The following CAMK1D variants were observed in gnomAD, a reference collection of about 807,000 sequenced individuals.
CAMK1D encodes the protein calcium/calmodulin-dependent protein kinase type 1D.
In CAMK1D, 9 loss-of-function variants were observed where a neutral mutation model predicts 47.7. The observed-to-expected ratio is 0.19, with a 90% CI of 0.11 to 0.33. The LOEUF is 0.33. Among genes scored for constraint, CAMK1D ranks in the 10% least tolerant of loss-of-function variants. CAMK1D has a pLI of 1.00. For synonymous variants in CAMK1D, 184 were observed against 184.9 expected, an observed-to-expected ratio of 0.99 and a Z score of 0.04; for missense variants, 291 against 488.7, an observed-to-expected ratio of 0.60 and a Z score of 3.81.
intron 2 of CAMK1D, among the ~76,000 whole-genome samples, chr10:12,665,363 A>G (rs1840396127): frequency 6.6e-6 from 1 of 152,258 alleles, no homozygotes; most frequent in South Asian, 2.1e-4. Flanking sequence ...CGCGGGGAAG[A>G]CATCACACAT....
In CAMK1D at chr10:12,442,057, G is replaced by A. The variant is rs138927723; in HGVS notation, c.92+92147G>A. On this transcript the variant is annotated intron_variant, in intron 1 of 10. Transcript: ENST00000619168. Reference sequence around the variant, plus strand: ...TCAAGTTATAAAAGACAATCTCTTTGATGGTATAAAATGCAGCAGTAATAA... The same window carrying A: ...TCAAGTTATAAAAGACAATCTCTTTAATGGTATAAAATGCAGCAGTAATAA... 4.4e-3 allele frequency among the ~76,000 whole-genome samples: 669 copies of A among 152,316 alleles called. 6 individuals are homozygous for A. The highest frequency in any genetic ancestry group is 0.015 in the African/African-American group (625 of 41,566).
At chr10:12,429,336 C>G (rs934504605) in intron 1 of CAMK1D, among the ~76,000 whole-genome samples, 1 of 150,430 alleles carries the variant, frequency 6.6e-6, no homozygotes, top group African/African-American at 2.4e-5. Flanking sequence ...CTTCCCCATT[C>G]TCTCTCTCTT....
chr10:12,567,009 G>A (rs12255277), intron 2 of CAMK1D, among the ~76,000 whole-genome samples: 1 of 152,144 alleles, frequency 6.6e-6, no homozygotes, highest in Non-Finnish European at 1.5e-5. Context: ...GAGGCCCGTC[G>A]CCGAGCCTGC....
At chr10:12,739,534 C>A (rs1835338732) in intron 3 of CAMK1D, among the ~76,000 whole-genome samples, 2 of 151,538 alleles carry the variant, frequency 1.3e-5, no homozygotes, top group Non-Finnish European at 1.5e-5. Flanking sequence ...CGTGATCCAC[C>A]CGCCTCGGCC....
chr10:12,358,628 G>A lies in CAMK1D; in HGVS notation c.92+8718G>A, dbSNP rs376984003. Among the ~76,000 whole-genome samples, 5 of 152,256 alleles carry A rather than the reference G, an allele frequency of 3.3e-5. No homozygotes were observed. The East Asian group carries it at 9.6e-4, about 29-fold the overall frequency. ...TGATAGGGTATATTTGCTGAGGCCG[G>A]GTAAAGGAGGCAACGTAACATAACA... On this transcript the variant is annotated intron_variant, in intron 1 of 10. Coordinates refer to ENST00000619168, the MANE Select transcript of CAMK1D (RefSeq NM_153498.4).
intron 3 of CAMK1D, among the ~76,000 whole-genome samples, chr10:12,741,457 T>C (rs1835424335): frequency 6.6e-6 from 1 of 152,234 alleles, no homozygotes; most frequent in African/African-American, 2.4e-5. Flanking sequence ...GGCCGCCCTC[T>C]TGGCTTGCCT....
In CAMK1D at chr10:12,819,831, C is replaced by T. The variant is rs182287305; in HGVS notation, c.833+3503C>T. ...CCCAGAGGAGGGTGACAGTGGCCTG[C>T]GCGGGGCAGCGTGGCAGGGATGGAG... On this transcript the variant is annotated intron_variant, in intron 8 of 10. Transcript: ENST00000619168. Among the ~76,000 whole-genome samples, 18 of 152,140 alleles carry T rather than the reference C, an allele frequency of 1.2e-4. 1 individual carries two copies. In the East Asian group the frequency reaches 3.1e-3, roughly 26 times the overall value.
chr10:12,369,596 G>GC lies in CAMK1D; in HGVS notation c.92+19687dup, dbSNP rs780817010. ...TTGCTCAGTGAGTATATAATGAGTT[G>GC]CTATGTGTCAAAGAGGACGCCGGCT... On this transcript the variant is annotated intron_variant, in intron 1 of 10. Coordinates refer to ENST00000619168, the MANE Select transcript of CAMK1D (RefSeq NM_153498.4). Among the ~76,000 whole-genome samples, 4 of 152,260 alleles carry GC rather than the reference G, an allele frequency of 2.6e-5. No individual in the cohort carries two copies. In the South Asian group the frequency reaches 8.3e-4, roughly 32 times the overall value.
chr10:12,438,541 A>T lies in CAMK1D; in HGVS notation c.92+88631A>T, dbSNP rs114737990. Among the ~76,000 whole-genome samples the T allele has an allele frequency of 2.6e-3, 394 of 152,206 alleles. 3 individuals are homozygous for T. The highest frequency in any genetic ancestry group is 8.7e-3 in the African/African-American group (361 of 41,544). On this transcript the variant is annotated intron_variant, in intron 1 of 10. Transcript: ENST00000619168. ...CCTGGACATATCTTTCTTTAAAAAA[A>T]TTTTTTTGAGGTCACATTCTTGTCT...
At chr10:12,683,234 G>A (rs915908949) in intron 3 of CAMK1D, among the ~76,000 whole-genome samples, 1 of 151,720 alleles carries the variant, frequency 6.6e-6, no homozygotes, top group Non-Finnish European at 1.5e-5. Context: ...CTACAGGTGC[G>A]CACCACCACG....
rs1426139173 is a variant in CAMK1D at position 12,829,123 on chromosome 10, C to T, written c.*236C>T. 4 of 446,448 alleles carry T rather than the reference C, an allele frequency of 9.0e-6. No homozygotes were observed. Among genetic ancestry groups the T allele is most frequent in the African/African-American group, 2.1e-5 (1 of 48,562 alleles). 27.7% of individuals were successfully genotyped at this position (446,448 alleles called of 1,614,324 possible). On this transcript the variant is annotated 3_prime_UTR_variant, in exon 11 of 11. Coordinates refer to ENST00000619168, the MANE Select transcript of CAMK1D (RefSeq NM_153498.4). ...TTCATAGGATCTGGTGCTGTATATACGAATCTTGCAAAGCTCTAACTGAAC... is the reference window on the plus strand; with the variant it reads ...TTCATAGGATCTGGTGCTGTATATATGAATCTTGCAAAGCTCTAACTGAAC...
chr10:12,810,455 A>G (rs1250871868), intron 6 of CAMK1D, among the ~76,000 whole-genome samples: 1 of 152,138 alleles, frequency 6.6e-6, no homozygotes, highest in South Asian at 2.1e-4. Flanking sequence ...TGGTATTTCT[A>G]GCGGAGACCG....
chr10:12,511,276 G>A (rs1195236685), intron 1 of CAMK1D, among the ~76,000 whole-genome samples: 1 of 152,098 alleles, frequency 6.6e-6, no homozygotes, highest in South Asian at 2.1e-4. Flanking sequence ...AACTGTGGCA[G>A]CAAATTGGAA....
At chr10:12,511,062 C>T (rs920780079) in intron 1 of CAMK1D, among the ~76,000 whole-genome samples, 1 of 152,216 alleles carries the variant, frequency 6.6e-6, no homozygotes, top group Non-Finnish European at 1.5e-5. Context: ...AGTTTGCATT[C>T]AGTGGCCTGC....
intron 3 of CAMK1D, among the ~76,000 whole-genome samples, chr10:12,684,203 G>A (rs777591820): frequency 6.6e-6 from 1 of 152,108 alleles, no homozygotes; most frequent in African/African-American, 2.4e-5. Context: ...CTAATAGTTA[G>A]CATTTTAAGA....
intron 1 of CAMK1D, among the ~76,000 whole-genome samples, chr10:12,502,384 C>CCTGTTTCT (rs1834732148): frequency 6.6e-6 from 1 of 152,096 alleles, no homozygotes; most frequent in African/African-American, 2.4e-5. Context: ...TCTCAGGTTA[C>CCTGTTTCT]CAGTGAGAAA....
At chr10:12,458,566 G>A (rs1833328465) in intron 1 of CAMK1D, among the ~76,000 whole-genome samples, 1 of 152,070 alleles carries the variant, frequency 6.6e-6, no homozygotes, top group Non-Finnish European at 1.5e-5. Flanking sequence ...AAAGGTGTGT[G>A]CTGTCATGCC....
At chr10:12,772,122 T>G (rs996140434) in intron 5 of CAMK1D, among the ~76,000 whole-genome samples, 3 of 151,812 alleles carry the variant, frequency 2.0e-5, no homozygotes, top group African/African-American at 7.3e-5. Context: ...TGATAACGGT[T>G]GCAGGAATAG....
At chr10:12,587,906 T>A (rs562416309) in intron 2 of CAMK1D, among the ~76,000 whole-genome samples, 1 of 152,074 alleles carries the variant, frequency 6.6e-6, no homozygotes, top group South Asian at 2.1e-4. Flanking sequence ...CACTTACTGA[T>A]GTATTAAAGA....
Sources: allele counts gnomAD v4.1 joint callset (sites outside exome capture counted in the v4.1 genomes callset), GRCh38; gene constraint gnomAD v4.1.1; transcripts MANE v1.5; gene names NCBI Gene and HGNC (gene_info 2026-07-23, HGNC 2026-07-21).